The following NAV3 variants were observed in gnomAD, a reference collection of about 807,000 sequenced individuals.
NAV3 encodes the protein pore membrane and/or filament interacting like protein 1.
A neutral mutation model predicts 244.7 loss-of-function variants in NAV3; 87 were observed. The ratio of observed to expected loss-of-function variants is 0.36; its 90% CI spans 0.30 to 0.42. The LOEUF (loss-of-function observed/expected upper bound fraction) is 0.42. Among genes scored for constraint, NAV3 ranks in the 20% least tolerant of loss-of-function variants. NAV3 has a pLI of 1.00. For missense variants in NAV3, 2,663 were observed against 2,893.3 expected, an observed-to-expected ratio of 0.92 and a Z score of 1.83; for synonymous variants, 1,126 against 1,042.2, an observed-to-expected ratio of 1.08 and a Z score of -1.55.
intron 10 of NAV3, 34 bp from the exon 11 acceptor site, chr12:78,050,730 C>A (rs201114424): frequency 5.8e-6 from 9 of 1,550,058 alleles, no homozygotes. Context: ...CTAAGTGAAC[C>A]AGAGTATAGT....
Position 78,199,331 on chromosome 12 carries a change from G to A in NAV3, c.6519-4G>A, listed in dbSNP as rs1311097441. 2 of 1,573,144 alleles carry A rather than the reference G, an allele frequency of 1.3e-6. No homozygotes were observed. The highest frequency in any genetic ancestry group is 2.3e-5 in the East Asian group (1 of 44,244). On this transcript the variant is annotated splice_polypyrimidine_tract_variant and splice_region_variant and intron_variant, in intron 36 of 39. Coordinates refer to ENST00000397909, the MANE Select transcript of NAV3 (RefSeq NM_001024383.2). ...AAAATGTCTGATTTTTTTTCTTTTT[G>A]TAGGTGGGTATTATGTGCAAATCAT...
At chr12:77,723,850 T>TATCCTGCA (rs1404286739) in intron 2 of NAV3, among the ~76,000 whole-genome samples, 31 of 142,356 alleles carry the variant, frequency 2.2e-4, no homozygotes, top group African/African-American at 7.8e-4. Flanking sequence ...ACTTAAACAG[T>TATCCTGCA]AAGTCCTTGC....
At chr12:77,915,570 T>C (rs1033693572) in intron 1 of NAV3, among the ~76,000 whole-genome samples, 1 of 147,768 alleles carries the variant, frequency 6.8e-6, no homozygotes, top group Non-Finnish European at 1.5e-5. Flanking sequence ...TTAATCTAGA[T>C]AGTATATTAT....
intron 12 of NAV3, among the ~76,000 whole-genome samples, chr12:78,073,105 CA>C (rs2137666959): frequency 7.7e-6 from 1 of 129,644 alleles, no homozygotes; most frequent in African/African-American, 2.8e-5. Flanking sequence ...AAACTGGAAG[CA>C]TTCCCTTTGA....
intron 5 of NAV3, among the ~76,000 whole-genome samples, chr12:77,979,766 C>T (rs969679231): frequency 4.6e-5 from 7 of 150,664 alleles, no homozygotes; most frequent in African/African-American, 1.2e-4. Context: ...TAGAACAACG[C>T]TCACCCATCA....
chr12:77,657,226 A>G (rs1224525275), intron 2 of NAV3, among the ~76,000 whole-genome samples: 1 of 152,122 alleles, frequency 6.6e-6, no homozygotes, highest in African/African-American at 2.4e-5. Flanking sequence ...TAATAAAGAA[A>G]AAAAGAGAGA....
chr12:77,951,844 T>C (rs903112871), intron 3 of NAV3, among the ~76,000 whole-genome samples: 4 of 152,014 alleles, frequency 2.6e-5, no homozygotes, highest in Non-Finnish European at 4.4e-5. Flanking sequence ...CTGCATATTC[T>C]CACTCACAGG....
intron 9 of NAV3, among the ~76,000 whole-genome samples, chr12:78,026,724 C>T (rs1277824898): frequency 6.6e-6 from 1 of 152,064 alleles, no homozygotes; most frequent in African/African-American, 2.4e-5. Context: ...CCAGAATTTG[C>T]CAGTTCTTCT....
At chr12:77,981,632 C>G (rs1287991697) in intron 5 of NAV3, among the ~76,000 whole-genome samples, 1 of 151,568 alleles carries the variant, frequency 6.6e-6, no homozygotes, top group African/African-American at 2.4e-5. Context: ...TTTTTTTTCT[C>G]AAGCCATTTT....
chr12:77,744,111 A>C (rs902484278), intron 2 of NAV3, among the ~76,000 whole-genome samples: 62 of 151,986 alleles, frequency 4.1e-4, no homozygotes, highest in African/African-American at 1.5e-3. Flanking sequence ...GGATAACCAA[A>C]TCATTTTATT....
intron 2 of NAV3, among the ~76,000 whole-genome samples, chr12:77,821,193 G>C (rs1179921812): frequency 6.6e-6 from 1 of 151,948 alleles, no homozygotes; most frequent in Non-Finnish European, 1.5e-5. Flanking sequence ...CTATTGATGG[G>C]GTAGCTTTTC....
rs1958272240 is a variant in NAV3, at chr12:78,177,250, A to G, written c.5234A>G (p.Lys1745Arg). The G allele has an allele frequency of 6.2e-7, 1 of 1,613,440 alleles. No homozygotes were observed. The highest frequency in any genetic ancestry group is 1.3e-5 in the African/African-American group (1 of 74,878). Residue 1745 changes from lysine to arginine, a missense_variant, in exon 27 of 40, where the codon AAG becomes AGG. Around this residue, in one of 6 missense-constraint regions of NAV3, gnomAD observed 193 missense variants for 200.7 expected, o/e 0.96. Transcript: ENST00000397909. ...LTDSSLPASP[K>R]LPHNAGDCGS... ...GATTCATCCCTTCCGGCATCCCCCAAGTTACCCCATAATGCTGGTGACTGT... is the reference window on the plus strand; with the variant it reads ...GATTCATCCCTTCCGGCATCCCCCAGGTTACCCCATAATGCTGGTGACTGT...
chr12:78,005,279 T>G (rs1874003254), intron 7 of NAV3, among the ~76,000 whole-genome samples: 1 of 152,210 alleles, frequency 6.6e-6, no homozygotes, highest in Non-Finnish European at 1.5e-5. Flanking sequence ...AACATCCAGG[T>G]GAACTCAGAG....
chr12:77,960,998 CATATATGT>C (rs1245375529), intron 3 of NAV3, among the ~76,000 whole-genome samples: 1 of 142,934 alleles, frequency 7.0e-6, no homozygotes, highest in African/African-American at 2.6e-5. Context: ...CATGTATACG[CATATATGT>C]ATATATGTAT....
intron 12 of NAV3, among the ~76,000 whole-genome samples, chr12:78,101,550 A>C (rs1954537866): frequency 6.6e-6 from 1 of 152,162 alleles, no homozygotes. Context: ...ATATAGACTT[A>C]GGTTTTTCTC....
At position 77,902,622 on chromosome 12, in the gene NAV3, A is replaced by C. The variant is rs186760899; in HGVS notation, c.244-37697A>C. On this transcript the variant is annotated intron_variant, in intron 1 of 39. Coordinates refer to ENST00000397909, the MANE Select transcript of NAV3 (RefSeq NM_001024383.2). ...CTCTCTCACCACTCCTATTCAACAT[A>C]GTGTTGGAAGTTCTGGCCAGGGCAA... 4.7e-4 allele frequency among the ~76,000 whole-genome samples: 72 copies of C among 152,228 alleles called. 1 individual carries two copies. In the East Asian group the frequency reaches 9.5e-3, roughly 20 times the overall value.
At chr12:78,200,340 A>G in intron 37 of NAV3, 133 bp from the exon 38 acceptor site, 1 of 487,448 alleles carries the variant, frequency 2.1e-6, no homozygotes, top group Middle Eastern at 5.7e-4. Flanking sequence ...CTTTAATAAT[A>G]ATCAAGCTGG....
chr12:77,945,999 T>C (rs1250648740), intron 3 of NAV3, among the ~76,000 whole-genome samples: 1 of 150,958 alleles, frequency 6.6e-6, no homozygotes, highest in Non-Finnish European at 1.5e-5. Context: ...CCTCAGGTGA[T>C]CCACCCATCT....
At chr12:77,637,422 A>G (rs1197790998) in intron 2 of NAV3, among the ~76,000 whole-genome samples, 1 of 152,100 alleles carries the variant, frequency 6.6e-6, no homozygotes, top group African/African-American at 2.4e-5. Context: ...TAAACTGAAC[A>G]TAATTTCTAA....
Sources: gnomAD v4.1 joint callset for allele counts (sites outside exome capture counted in the v4.1 genomes callset) on GRCh38, gnomAD v4.1.1 for gene constraint, gnomAD v4.1.1 regional missense constraint, MANE v1.5 for transcripts, NCBI Gene and HGNC (gene_info 2026-07-23, HGNC 2026-07-21) for gene names.